SLC7A11: variants seen among roughly 807,000 people sequenced by gnomAD.
SLC7A11 encodes solute carrier family 7 member 11, also known as cystine/glutamate transporter.
Under a neutral mutation model 54.5 loss-of-function variants are expected in SLC7A11, and 35 were observed. The ratio of observed to expected loss-of-function variants is 0.64; its 90% CI spans 0.49 to 0.85. The LOEUF (loss-of-function observed/expected upper bound fraction) is 0.85. SLC7A11 is among the 40% of genes least tolerant of loss of function. The pLI, the probability that SLC7A11 is intolerant of heterozygous loss-of-function variation, is 0.00. For synonymous variants in SLC7A11, 230 were observed against 225.2 expected (o/e 1.02, Z -0.19); for missense variants, 583 against 618.1 (o/e 0.94, Z 0.60).
intron 1 of SLC7A11, among the ~76,000 whole-genome samples, chr4:138,241,231 GCGCCATCAT>G (rs1430134637): frequency 2.6e-5 from 4 of 152,204 alleles, no homozygotes; most frequent in Non-Finnish European, 5.9e-5. Flanking sequence ...ATTGAGTTAT[GCGCCATCAT>G]ACATCTCTCC....
chr4:138,181,381 C>A (rs188618833), intron 9 of SLC7A11, among the ~76,000 whole-genome samples: 1 of 151,928 alleles, frequency 6.6e-6, no homozygotes, highest in African/African-American at 2.4e-5. Context: ...AAGAATGAAG[C>A]GCAGAGATCA....
At chr4:138,196,483 G>A (rs1290758419) in intron 6 of SLC7A11, among the ~76,000 whole-genome samples, 1 of 152,036 alleles carries the variant, frequency 6.6e-6, no homozygotes, top group East Asian at 1.9e-4. Context: ...TCAAAATACT[G>A]AGCTCCCTCC....
At chr4:138,211,359 A>G (rs1408999925) in intron 6 of SLC7A11, among the ~76,000 whole-genome samples, 2 of 151,880 alleles carry the variant, frequency 1.3e-5, no homozygotes, top group African/African-American at 2.4e-5. Flanking sequence ...ATATATCCAT[A>G]TAACAAATAA....
At chr4:138,174,811 C>T (rs1366247237) in intron 11 of SLC7A11, 2 of 152,120 alleles carry the variant, frequency 1.3e-5, no homozygotes, top group Non-Finnish European at 2.9e-5. Flanking sequence ...GACCAAATAA[C>T]AGTTGTAGTA....
In SLC7A11 at chr4:138,170,205, C is replaced by CTATATATATATATATATATATATATA. The variant is rs760391383; in HGVS notation, c.*1750_*1751insTATATATATATATATATATATATATA. The CTATATATATATATATATATATATATA allele has an allele frequency of 1.0e-5, 1 of 98,166 alleles. No homozygotes were observed. Among genetic ancestry groups the CTATATATATATATATATATATATATA allele is most frequent in the Admixed American group, 1.1e-4 (1 of 8,814 alleles). 6.1% of individuals were successfully genotyped at this position (98,166 alleles called of 1,614,324 possible). On this transcript the variant is annotated 3_prime_UTR_variant, in exon 12 of 12. Coordinates refer to ENST00000280612, the MANE Select transcript of SLC7A11 (RefSeq NM_014331.4). ...ATATTACTCTCATTTGTAAGTTCCA[C>CTATATATATATATATATATATATATA]TATATATATATATATATATATATAA...
chr4:138,184,134 G>C lies in SLC7A11; in HGVS notation c.916-829C>G, dbSNP rs7677872. ...GGGCCACATTATGCCCAAAGAATAA[G>C]TGCTGCCCTTTGTCTCAAAAGATGA... On this transcript the variant is annotated intron_variant, in intron 7 of 11. Coordinates refer to ENST00000280612, the MANE Select transcript of SLC7A11 (RefSeq NM_014331.4). 2.8e-3 allele frequency among the ~76,000 whole-genome samples: 420 copies of C among 152,274 alleles called. 4 individuals are homozygous for C. Among genetic ancestry groups the C allele is most frequent in the African/African-American group, 9.6e-3 (401 of 41,568 alleles).
chr4:138,225,079 A>T (rs1737911699), intron 3 of SLC7A11, among the ~76,000 whole-genome samples: 1 of 148,246 alleles, frequency 6.7e-6, no homozygotes, highest in South Asian at 2.1e-4. Flanking sequence ...CAAAAAAAAG[A>T]GGGGTAACTA....
chr4:138,219,836 T>TTC (rs1033082614), intron 4 of SLC7A11, among the ~76,000 whole-genome samples: 5 of 152,192 alleles, frequency 3.3e-5, no homozygotes, highest in Admixed American at 2.0e-4. Flanking sequence ...CAATTTACCT[T>TTC]TCTGCTTTCT....
At position 138,165,734 on chromosome 4, in the gene SLC7A11, C is replaced by T. The variant is rs1269094413; in HGVS notation, c.*6222G>A. On this transcript the variant is annotated 3_prime_UTR_variant, in exon 12 of 12. Transcript: ENST00000280612. ...TCCTAAAAGAGTAAAGTGTTGTTTC[C>T]TTTCTGAACATGAATAACATCAAAG... 1 of 152,004 alleles carries T rather than the reference C, an allele frequency of 6.6e-6. No homozygotes were observed. The highest frequency in any genetic ancestry group is 6.6e-5 in the Admixed American group (1 of 15,246). 9.4% of individuals were successfully genotyped at this position (152,004 alleles called of 1,614,324 possible).
intron 11 of SLC7A11, chr4:138,175,872 CA>C (rs1309519545): frequency 6.6e-6 from 1 of 152,120 alleles, no homozygotes; most frequent in Admixed American, 6.6e-5. Flanking sequence ...CTATCATTTT[CA>C]CAGGGCTGAT....
chr4:138,176,475 A>G (rs1438167353), intron 11 of SLC7A11: 1 of 152,198 alleles, frequency 6.6e-6, no homozygotes, highest in Non-Finnish European at 1.5e-5. Flanking sequence ...TTAAAATTAC[A>G]TGAACACCAA....
intron 4 of SLC7A11, among the ~76,000 whole-genome samples, chr4:138,220,771 G>T (rs1020701085): frequency 1.3e-5 from 2 of 152,174 alleles, no homozygotes; most frequent in African/African-American, 4.8e-5. Flanking sequence ...ACAGAAGGGG[G>T]ACAGGGGGTG....
chr4:138,218,250 C>A (rs774621908), intron 5 of SLC7A11, among the ~76,000 whole-genome samples: 70 of 152,200 alleles, frequency 4.6e-4, no homozygotes, highest in African/African-American at 1.3e-3. Flanking sequence ...GTTGGAAATG[C>A]ATTCATATAA....
chr4:138,200,662 T>C (rs185125121), intron 6 of SLC7A11, among the ~76,000 whole-genome samples: 7 of 152,226 alleles, frequency 4.6e-5, no homozygotes, highest in African/African-American at 1.7e-4. Context: ...GACAAATTAA[T>C]CCATCTCTGT....
rs139411057 is a variant in SLC7A11, at chr4:138,173,909, T to C, written c.1445-1892A>G. 1.8e-3 allele frequency among the ~76,000 whole-genome samples: 280 copies of C among 152,242 alleles called. 3 individuals carry two copies. The highest frequency in any genetic ancestry group is 5.2e-3 in the African/African-American group (215 of 41,548). On this transcript the variant is annotated intron_variant, in intron 11 of 11. Transcript: ENST00000280612. ...CAAACTTATTCTATAAAAATAGGCA[T>C]TTGTGGGAAAAGGAAATATTAATAA...
chr4:138,195,502 A>T (rs1007570820), intron 6 of SLC7A11, among the ~76,000 whole-genome samples: 3 of 152,068 alleles, frequency 2.0e-5, no homozygotes, highest in African/African-American at 7.2e-5. Flanking sequence ...CGGAATCTAA[A>T]ATTCAAACAG....
At chr4:138,190,177 T>C (rs1002665218) in intron 6 of SLC7A11, among the ~76,000 whole-genome samples, 1 of 152,016 alleles carries the variant, frequency 6.6e-6, no homozygotes, top group Non-Finnish European at 1.5e-5. Flanking sequence ...TGGAGAGAAA[T>C]GGTTGATGCT....
intron 1 of SLC7A11, 56 bp from the exon 2 acceptor site, chr4:138,236,507 G>C: frequency 6.7e-7 from 1 of 1,501,062 alleles, no homozygotes; most frequent in Non-Finnish European, 9.1e-7. Flanking sequence ...AAGACACCCA[G>C]CATTAGAATA....
In SLC7A11 at chr4:138,171,214, T is replaced by C. The variant is rs1046342966; in HGVS notation, c.*742A>G. ...GTGTTATACACTTTCCTGATCAAAC[T>C]GATGTGAAAAAAAAAAATGACAGAT... On this transcript the variant is annotated 3_prime_UTR_variant, in exon 12 of 12. Coordinates refer to ENST00000280612, the MANE Select transcript of SLC7A11 (RefSeq NM_014331.4). 4.6e-5 allele frequency: 7 copies of C among 151,524 alleles called. No individual in the cohort carries two copies. Among genetic ancestry groups the C allele is most frequent in the Non-Finnish European group, 1.0e-4 (7 of 67,928 alleles). The allele number at this position is 151,524 out of a possible 1,614,324, so 9.4% of individuals were successfully genotyped here.
Sources: allele counts gnomAD v4.1 joint callset (sites outside exome capture counted in the v4.1 genomes callset), GRCh38; gene constraint gnomAD v4.1.1; transcripts MANE v1.5; gene names NCBI Gene and HGNC (gene_info 2026-07-23, HGNC 2026-07-21).